Variants in POP1 observed in about 807,000 individuals in gnomAD.
POP1 encodes POP1 ribonuclease P/MRP subunit, also known as ribonucleases P/MRP protein subunit POP1.
A neutral mutation model predicts 102.2 loss-of-function variants in POP1; 75 were observed. That is an observed-to-expected ratio of 0.73 (90% CI 0.61 to 0.89). The LOEUF (loss-of-function observed/expected upper bound fraction) is 0.89, where lower values mean the gene tolerates loss of function less well. Among genes scored for constraint, POP1 ranks in the 40% least tolerant of loss-of-function variants. POP1 has a pLI of 0.00. For missense variants in POP1, 1,116 were observed against 1,267.4 expected, an observed-to-expected ratio of 0.88 and a Z score of 1.81; for synonymous variants, 436 against 464.1, an observed-to-expected ratio of 0.94 and a Z score of 0.78.
chr8:98,139,235 C>T (rs28439600), intron 9 of POP1, among the ~76,000 whole-genome samples: 20,215 of 152,172 alleles, frequency 0.13, 1,461 homozygotes, highest in Middle Eastern at 0.26. Flanking sequence ...CCCTTCTTGC[C>T]ATGCATGTGA....
rs1287952752 is a variant in POP1, at chr8:98,156,174, G to C, written c.2182G>C (p.Ala728Pro). 5.0e-6 allele frequency: 8 copies of C among 1,613,956 alleles called. No individual in the cohort carries two copies. In the East Asian group the frequency reaches 1.8e-4, roughly 36 times the overall value. The change falls in exon 15 of 16, where the codon GCT (alanine) becomes CCT (proline). Residue 728 changes from alanine (A) to proline (P), a missense_variant. Physicochemically the swap from Ala to Pro is conservative, Grantham distance 27. Coordinates refer to ENST00000401707, the MANE Select transcript of POP1 (RefSeq NM_001145860.2). Reference protein sequence around the residue: ...RVQAYEEPSVASSPNGKESDL... With the variant: ...RVQAYEEPSVPSSPNGKESDL... ...CCAGGCTTACGAAGAACCTTCTGTA[G>C]CTTCATCTCCAAATGGTAAGGAGAG...
In POP1 at chr8:98,157,712, G is replaced by A. The variant is rs778015006; in HGVS notation, c.2516G>A (p.Gly839Glu). ...CGAGCTCCCGGCAGAGGCCAGCAAG[G>A]ATTGACCAGAGAGGCTTGCCTGTCC... ...GRRAPGRGQQ[G>E]LTREACLSIL... Residue 839 changes from glycine (G) to glutamate (E), a missense_variant, in exon 16 of 16, where the codon GGA becomes GAA. Physicochemically the swap from Gly to Glu is moderately conservative, Grantham distance 98. Coordinates refer to ENST00000401707, the MANE Select transcript of POP1 (RefSeq NM_001145860.2). 4.3e-6 allele frequency: 7 copies of A among 1,614,208 alleles called. No homozygotes were observed. The highest frequency in any genetic ancestry group is 5.1e-6 in the Non-Finnish European group (6 of 1,180,042).
At chr8:98,122,279 A>G (rs1816053605) in intron 1 of POP1, among the ~76,000 whole-genome samples, 1 of 152,106 alleles carries the variant, frequency 6.6e-6, no homozygotes, top group South Asian at 2.1e-4. Flanking sequence ...TGGCATTGCT[A>G]CCTTCTCTTT....
intron 14 of POP1, among the ~76,000 whole-genome samples, chr8:98,151,870 G>A (rs915434706): frequency 6.6e-6 from 1 of 151,604 alleles, no homozygotes. Context: ...AGCCTCCTGA[G>A]TAGCTGGGAC....
At chr8:98,153,247 G>C (rs1809562645) in intron 14 of POP1, among the ~76,000 whole-genome samples, 1 of 152,196 alleles carries the variant, frequency 6.6e-6, no homozygotes, top group Admixed American at 6.5e-5. Flanking sequence ...TGGGATTACA[G>C]GAATGAGCCA....
At chr8:98,127,088 A>G (rs1816227257) in intron 2 of POP1, among the ~76,000 whole-genome samples, 1 of 152,060 alleles carries the variant, frequency 6.6e-6, no homozygotes. Context: ...GCACCTTTTC[A>G]CTGGTTCTCA....
chr8:98,148,192 G>C (rs1809406543), intron 12 of POP1, among the ~76,000 whole-genome samples: 1 of 152,208 alleles, frequency 6.6e-6, no homozygotes, highest in African/African-American at 2.4e-5. Flanking sequence ...ATCAGGATTG[G>C]ACCTGGCTTG....
chr8:98,128,285 T>G, intron 3 of POP1, 80 bp from the exon 4 acceptor site: 1 of 1,400,698 alleles, frequency 7.1e-7, no homozygotes, highest in Non-Finnish European at 1.0e-6. Context: ...GGAATTCAGT[T>G]AAGTTTCCCC....
chr8:98,156,088 G>T lies in POP1; in HGVS notation c.2096G>T (p.Gly699Val). ...AAACGGCCCAACTACGTTAAGCTTG[G>T]CACTCTGGCACCTTTCTGCTGTCCC... ...PAKRPNYVKL[G>V]TLAPFCCPWE... is the part of the protein sequence containing the mutation. Residue 699 changes from glycine to valine, a missense_variant, in exon 15 of 16, where the codon GGC becomes GTC. By Grantham distance (109) the Gly-to-Val change is moderately radical. Coordinates refer to ENST00000401707, the MANE Select transcript of POP1 (RefSeq NM_001145860.2). 6.2e-7 allele frequency: 1 copy of T among 1,614,002 alleles called. No homozygotes were observed. The highest frequency in any genetic ancestry group is 1.1e-5 in the South Asian group (1 of 91,078).
chr8:98,146,436 A>C (rs1816844485), intron 11 of POP1, 132 bp from the exon 12 acceptor site: 1 of 741,308 alleles, frequency 1.3e-6, no homozygotes, highest in African/African-American at 1.8e-5. Flanking sequence ...TTTCTTGTCA[A>C]GTAAATTCTT....
At chr8:98,123,166 A>G (rs1217948617) in intron 1 of POP1, among the ~76,000 whole-genome samples, 170 bp from the exon 2 acceptor site, 1 of 152,222 alleles carries the variant, frequency 6.6e-6, no homozygotes, top group Non-Finnish European at 1.5e-5. Context: ...TGTGGTATCA[A>G]CAGTTGTATA....
chr8:98,136,987 T>A, intron 9 of POP1, 33 bp downstream of exon 9: 1 of 1,542,536 alleles, frequency 6.5e-7, no homozygotes, highest in Non-Finnish European at 9.0e-7. Context: ...TGTTTTATTC[T>A]AATCATGTTT....
intron 14 of POP1, among the ~76,000 whole-genome samples, chr8:98,155,762 G>A (rs1809628303): frequency 6.6e-6 from 1 of 151,696 alleles, no homozygotes; most frequent in African/African-American, 2.4e-5. Flanking sequence ...TGTATTTTTA[G>A]TAGAGCTTTC....
chr8:98,140,616 A>G (rs1816674128), intron 10 of POP1, among the ~76,000 whole-genome samples, 153 bp from the exon 11 acceptor site: 1 of 152,218 alleles, frequency 6.6e-6, no homozygotes, highest in African/African-American at 2.4e-5. Flanking sequence ...CTTATTCTCT[A>G]AAAGTATCAA....
chr8:98,139,596 A>G (rs1816648727), intron 9 of POP1, among the ~76,000 whole-genome samples: 1 of 152,126 alleles, frequency 6.6e-6, no homozygotes, highest in Non-Finnish European at 1.5e-5. Flanking sequence ...GCATGGTGGC[A>G]TGTGACTGTG....
intron 5 of POP1, among the ~76,000 whole-genome samples, chr8:98,131,151 G>A (rs984167972): frequency 6.6e-6 from 1 of 152,238 alleles, no homozygotes; most frequent in Admixed American, 6.5e-5. Flanking sequence ...CATTTTAAGT[G>A]TATAGTTCTG....
intron 14 of POP1, among the ~76,000 whole-genome samples, chr8:98,154,740 C>T (rs1353865880): frequency 6.6e-6 from 1 of 152,118 alleles, no homozygotes; most frequent in Non-Finnish European, 1.5e-5. Context: ...AGCTTAAAGA[C>T]AATCAAAATG....
chr8:98,119,920 C>G (rs989475916), intron 1 of POP1, among the ~76,000 whole-genome samples: 1 of 152,102 alleles, frequency 6.6e-6, no homozygotes, highest in Non-Finnish European at 1.5e-5. Flanking sequence ...AAGATGCATC[C>G]TATATTCATT....
At chr8:98,153,123 C>T (rs1809559281) in intron 14 of POP1, among the ~76,000 whole-genome samples, 1 of 152,174 alleles carries the variant, frequency 6.6e-6, no homozygotes, top group Admixed American at 6.5e-5. Flanking sequence ...GTGTGCACCA[C>T]AACTCCTGGC....
Sources: allele counts gnomAD v4.1 joint callset (sites outside exome capture counted in the v4.1 genomes callset), GRCh38; gene constraint gnomAD v4.1.1; transcripts MANE v1.5; gene names NCBI Gene and HGNC (gene_info 2026-07-23, HGNC 2026-07-21).